Variants in DYNC1I1 observed in about 807,000 individuals in gnomAD.
The protein encoded by DYNC1I1 is cytoplasmic dynein 1 intermediate chain 1.
A neutral mutation model predicts 86.6 loss-of-function variants in DYNC1I1; 43 were observed. The ratio of observed to expected loss-of-function variants is 0.50; its 90% CI spans 0.39 to 0.64. The LOEUF is 0.64. Among genes scored for constraint, DYNC1I1 ranks in the 30% least tolerant of loss-of-function variants. The pLI, the probability that DYNC1I1 is intolerant of heterozygous loss-of-function variation, is 0.00. For missense variants in DYNC1I1, 604 were observed against 788.8 expected (o/e 0.77, Z 2.81); for synonymous variants, 262 against 283.7 (o/e 0.92, Z 0.77).
At chr7:96,005,084 G>A (rs953533585) in intron 10 of DYNC1I1, among the ~76,000 whole-genome samples, 16 of 152,168 alleles carry the variant, frequency 1.1e-4, no homozygotes, top group African/African-American at 3.9e-4. Context: ...TTTCTTCTCT[G>A]CAGAATATTT....
At position 95,888,927 on chromosome 7, in the gene DYNC1I1, C is replaced by T. The variant is rs376302202; in HGVS notation, c.490+18929C>T. On this transcript the variant is annotated intron_variant, in intron 6 of 16. Transcript: ENST00000447467. ...TGTAATTTTGGTAATTCTGAAGTAA[C>T]GTGACACAAGGAATTTTGATCATTG... Among the ~76,000 whole-genome samples, 23 of 152,160 alleles carry T rather than the reference C, an allele frequency of 1.5e-4. No individual in the cohort carries two copies. The East Asian group carries it at 3.5e-3, about 23-fold the overall frequency.
At chr7:95,923,074 ATC>A (rs1255156931) in intron 6 of DYNC1I1, among the ~76,000 whole-genome samples, 1 of 152,020 alleles carries the variant, frequency 6.6e-6, no homozygotes, top group Non-Finnish European at 1.5e-5. Flanking sequence ...CTGTTTTCAT[ATC>A]TTTTTTCTTG....
intron 16 of DYNC1I1, among the ~76,000 whole-genome samples, chr7:96,094,765 A>G (rs1242925732): frequency 6.6e-6 from 1 of 152,214 alleles, no homozygotes; most frequent in East Asian, 1.9e-4. Flanking sequence ...TACAGTCAAC[A>G]AGATGAAAAG....
intron 11 of DYNC1I1, among the ~76,000 whole-genome samples, chr7:96,029,319 T>TC: frequency 6.6e-6 from 1 of 152,092 alleles, no homozygotes; most frequent in African/African-American, 2.4e-5. Context: ...CTGCCCCATT[T>TC]CCCCAAACTA....
chr7:96,024,537 CAAGGA>C (rs531625285), intron 10 of DYNC1I1, among the ~76,000 whole-genome samples: 1 of 152,198 alleles, frequency 6.6e-6, no homozygotes, highest in African/African-American at 2.4e-5. Flanking sequence ...TATAACAAGG[CAAGGA>C]AACTTTTTGT....
chr7:96,102,234 C>T (rs953411185), downstream of DYNC1I1, among the ~76,000 whole-genome samples: 1 of 152,176 alleles, frequency 6.6e-6, no homozygotes, highest in African/African-American at 2.4e-5. Context: ...TAATCTCTCT[C>T]CCTCTGTAAT....
chr7:96,022,636 G>T (rs1794581461), intron 10 of DYNC1I1, among the ~76,000 whole-genome samples: 1 of 152,036 alleles, frequency 6.6e-6, no homozygotes, highest in African/African-American at 2.4e-5. Flanking sequence ...GTTGAGGCAG[G>T]AAGATTGCTT....
chr7:95,994,231 G>T (rs1009341197), intron 9 of DYNC1I1, among the ~76,000 whole-genome samples: 1 of 152,126 alleles, frequency 6.6e-6, no homozygotes, highest in Non-Finnish European at 1.5e-5. Context: ...TTTGGCACAA[G>T]TTTATTATAT....
chr7:96,087,486 C>A (rs149892761), intron 16 of DYNC1I1, among the ~76,000 whole-genome samples: 394 of 152,200 alleles, frequency 2.6e-3, no homozygotes, highest in African/African-American at 8.9e-3. Flanking sequence ...ATGAGTGTGG[C>A]CATTAATTTC....
chr7:95,880,206 C>G (rs960318281), intron 6 of DYNC1I1, among the ~76,000 whole-genome samples: 1 of 152,184 alleles, frequency 6.6e-6, no homozygotes, highest in African/African-American at 2.4e-5. Context: ...GCCTGGAAAT[C>G]TAACCCAGTC....
intron 6 of DYNC1I1, among the ~76,000 whole-genome samples, chr7:95,879,932 A>T (rs2116219348): frequency 6.6e-6 from 1 of 152,304 alleles, no homozygotes; most frequent in East Asian, 1.9e-4. Flanking sequence ...GTCTATTTAT[A>T]CTAACGTTCT....
intron 6 of DYNC1I1, among the ~76,000 whole-genome samples, chr7:95,935,347 A>G (rs1043555507): frequency 6.6e-5 from 10 of 152,090 alleles, no homozygotes; most frequent in African/African-American, 2.4e-4. Flanking sequence ...TGGCATGAAT[A>G]TACCACATTT....
chr7:95,822,126 T>C lies in DYNC1I1; in HGVS notation c.315-5931T>C, dbSNP rs190635434. On this transcript the variant is annotated intron_variant, in intron 4 of 16. Transcript: ENST00000447467. The stretch of plus-strand genomic sequence containing the variant: ...AGGTATATGCAACACAGACATTATG[T>C]CTTTCACTCCTAAGTTACACTTTCA... Among the ~76,000 whole-genome samples, 56 of 152,336 alleles carry C rather than the reference T, an allele frequency of 3.7e-4. No individual in the cohort carries two copies. In the East Asian group the frequency reaches 9.3e-3, roughly 25 times the overall value.
chr7:95,955,732 C>T (rs542668528), intron 6 of DYNC1I1, among the ~76,000 whole-genome samples: 20 of 152,262 alleles, frequency 1.3e-4, no homozygotes, highest in Middle Eastern at 3.4e-3. Flanking sequence ...GTGCAAGGAA[C>T]GAAAGCTCAA....
chr7:95,805,177 G>T (rs535344892), intron 2 of DYNC1I1, among the ~76,000 whole-genome samples: 1 of 152,132 alleles, frequency 6.6e-6, no homozygotes, highest in Admixed American at 6.6e-5. Flanking sequence ...TTTAATATGA[G>T]AACAATAATG....
chr7:96,069,052 C>T (rs1790082331), intron 14 of DYNC1I1, among the ~76,000 whole-genome samples: 1 of 152,156 alleles, frequency 6.6e-6, no homozygotes, highest in Non-Finnish European at 1.5e-5. Context: ...AACCACATAT[C>T]TAGCTGCCTC....
intron 6 of DYNC1I1, among the ~76,000 whole-genome samples, chr7:95,965,353 A>G (rs1324645081): frequency 6.6e-6 from 1 of 152,190 alleles, no homozygotes; most frequent in Non-Finnish European, 1.5e-5. Flanking sequence ...ACCAGTGTGG[A>G]CACAGTTGAA....
intron 9 of DYNC1I1, among the ~76,000 whole-genome samples, chr7:95,993,098 T>G (rs1233167727): frequency 6.6e-6 from 1 of 152,156 alleles, no homozygotes; most frequent in African/African-American, 2.4e-5. Flanking sequence ...ACACTTAAGA[T>G]TAAATAATTG....
At chr7:95,912,919 C>T (rs1310371567) in intron 6 of DYNC1I1, among the ~76,000 whole-genome samples, 3 of 152,072 alleles carry the variant, frequency 2.0e-5, no homozygotes, top group African/African-American at 7.2e-5. Context: ...TTTCATGCAT[C>T]CTTGGAAATA....
Sources: allele counts gnomAD v4.1 joint callset (sites outside exome capture counted in the v4.1 genomes callset), GRCh38; gene constraint gnomAD v4.1.1; transcripts MANE v1.5; gene names NCBI Gene and HGNC (gene_info 2026-07-23, HGNC 2026-07-21).